TNRC6B: variants seen among roughly 807,000 people sequenced by gnomAD.
The protein encoded by TNRC6B is trinucleotide repeat-containing gene 6B protein.
Under a neutral mutation model 203.6 loss-of-function variants are expected in TNRC6B, and 52 were observed. That is an observed-to-expected ratio of 0.26 (90% confidence interval 0.20 to 0.32). TNRC6B has a LOEUF of 0.32. Ranked by LOEUF, TNRC6B falls within the 10% of genes least tolerant of loss-of-function variation. The pLI, the probability that TNRC6B is intolerant of heterozygous loss-of-function variation, is 1.00. For synonymous variants in TNRC6B, 838 were observed against 845.7 expected (o/e 0.99, Z 0.16); for missense variants, 1,923 against 2,286.2 (o/e 0.84, Z 3.24).
chr22:40,140,146 C>T (rs188247160), intron 3 of TNRC6B, among the ~76,000 whole-genome samples: 57 of 151,712 alleles, frequency 3.8e-4, no homozygotes, highest in African/African-American at 1.4e-3. Context: ...GCTTTAAGTT[C>T]AAAAGAATCA....
At chr22:40,270,313 C>CTTTT (rs372710238) in intron 6 of TNRC6B, 33 bp downstream of exon 6, 27 of 1,218,508 alleles carry the variant, frequency 2.2e-5, no homozygotes, top group Non-Finnish European at 2.6e-5. Flanking sequence ...TTGAGGGATC[C>CTTTT]TTTTTTTTTT....
chr22:40,257,053 T>C (rs1397754766), intron 3 of TNRC6B, among the ~76,000 whole-genome samples: 1 of 152,216 alleles, frequency 6.6e-6, no homozygotes, highest in Non-Finnish European at 1.5e-5. Flanking sequence ...TCAGTACACA[T>C]TGACCGCTCA....
intron 3 of TNRC6B, among the ~76,000 whole-genome samples, chr22:40,145,888 GCA>G (rs2068691199): frequency 2.0e-5 from 3 of 152,078 alleles, no homozygotes; most frequent in African/African-American, 7.2e-5. Flanking sequence ...TCTGTATGGA[GCA>G]CAGAGTTTGA....
At chr22:40,077,133 C>T (rs1383169607) in intron 1 of TNRC6B, among the ~76,000 whole-genome samples, 1 of 151,712 alleles carries the variant, frequency 6.6e-6, no homozygotes, top group Non-Finnish European at 1.5e-5. Context: ...AGGCGGGGCA[C>T]TTCTTCCTAT....
At chr22:40,188,737 T>C (rs1469823933) in intron 1 of TNRC6B, among the ~76,000 whole-genome samples, 1 of 152,236 alleles carries the variant, frequency 6.6e-6, no homozygotes, top group Non-Finnish European at 1.5e-5. Context: ...CAGTGGCTTT[T>C]AAACTTTTTG....
chr22:40,312,848 T>G, intron 18 of TNRC6B, 54 bp from the exon 19 acceptor site: 1 of 1,540,868 alleles, frequency 6.5e-7, no homozygotes, highest in Non-Finnish European at 8.9e-7. Flanking sequence ...AAGGTTTCAC[T>G]GGTTATACTG....
chr22:40,077,069 AAG>A (rs1192645795), intron 1 of TNRC6B, among the ~76,000 whole-genome samples: 5 of 149,194 alleles, frequency 3.4e-5, no homozygotes, highest in Admixed American at 2.7e-4. Flanking sequence ...AAGAAAAGAA[AAG>A]AGAGAAGAGG....
At chr22:40,063,607 C>A (rs6001738) in intron 1 of TNRC6B, among the ~76,000 whole-genome samples, 10,571 of 152,158 alleles carry the variant, frequency 0.069, 1,149 homozygotes, top group African/African-American at 0.23. Flanking sequence ...TGGTTTTCAG[C>A]GTATAAGTGT....
chr22:40,206,421 T>C (rs1281328364), intron 1 of TNRC6B, among the ~76,000 whole-genome samples: 1 of 152,174 alleles, frequency 6.6e-6, no homozygotes, highest in Non-Finnish European at 1.5e-5. Context: ...TGTAAAATTA[T>C]ATCAGAAGAC....
chr22:40,132,015 T>C (rs1053622316), intron 3 of TNRC6B, among the ~76,000 whole-genome samples: 4 of 152,376 alleles, frequency 2.6e-5, no homozygotes, highest in Admixed American at 6.5e-5. Context: ...CCCATGGATC[T>C]GTCTTATTGT....
At chr22:40,199,173 A>C (rs148903615) in intron 1 of TNRC6B, among the ~76,000 whole-genome samples, 5 of 152,278 alleles carry the variant, frequency 3.3e-5, no homozygotes, top group African/African-American at 9.6e-5. Flanking sequence ...GCTGAGTAAA[A>C]AAGAAAACTA....
chr22:40,155,245 C>T (rs2068809305), intron 3 of TNRC6B, among the ~76,000 whole-genome samples: 1 of 151,974 alleles, frequency 6.6e-6, no homozygotes, highest in African/African-American at 2.4e-5. Context: ...CTAATGTGTA[C>T]AGTAAATGCA....
At chr22:40,199,672 G>A (rs2069384488) in intron 1 of TNRC6B, among the ~76,000 whole-genome samples, 1 of 152,132 alleles carries the variant, frequency 6.6e-6, no homozygotes, top group African/African-American at 2.4e-5. Context: ...AAAGGCTATT[G>A]CTGGGACAGG....
intron 9 of TNRC6B, among the ~76,000 whole-genome samples, chr22:40,278,811 C>T (rs117863233): frequency 0.015 from 2,327 of 152,354 alleles, 25 homozygotes; most frequent in Non-Finnish European, 0.025. Flanking sequence ...TTGATCTCTG[C>T]TCACTGCAAC....
At chr22:40,151,842 TGAA>T (rs1368226601) in intron 3 of TNRC6B, among the ~76,000 whole-genome samples, 2 of 132,312 alleles carry the variant, frequency 1.5e-5, no homozygotes, top group Non-Finnish European at 3.3e-5. Flanking sequence ...GACACAAAAA[TGAA>T]GAAAGAGAAA....
intron 12 of TNRC6B, 102 bp downstream of exon 12, chr22:40,285,872 A>G: frequency 7.1e-7 from 1 of 1,417,110 alleles, no homozygotes; most frequent in Non-Finnish European, 9.5e-7. Flanking sequence ...GATAGTAAGT[A>G]GCATAAAATA....
At chr22:40,226,689 T>C (rs904621772) in intron 1 of TNRC6B, among the ~76,000 whole-genome samples, 8 of 152,232 alleles carry the variant, frequency 5.3e-5, no homozygotes, top group African/African-American at 1.9e-4. Context: ...TATCATTGTT[T>C]GAATTCACTT....
At chr22:40,278,507 G>A (rs1028297169) in intron 9 of TNRC6B, among the ~76,000 whole-genome samples, 1 of 148,446 alleles carries the variant, frequency 6.7e-6, no homozygotes, top group South Asian at 2.2e-4. Context: ...GCACTGAGCC[G>A]AGATTGTGCC....
At chr22:40,285,946 A>G (rs1456454960) in intron 12 of TNRC6B, among the ~76,000 whole-genome samples, 176 bp downstream of exon 12, 2 of 152,250 alleles carry the variant, frequency 1.3e-5, no homozygotes, top group African/African-American at 4.8e-5. Flanking sequence ...TGAAATATCT[A>G]GCTGCCAAAG....
Sources: allele counts gnomAD v4.1 joint callset (sites outside exome capture counted in the v4.1 genomes callset), GRCh38; gene constraint gnomAD v4.1.1; transcripts MANE v1.5; gene names NCBI Gene and HGNC (gene_info 2026-07-23, HGNC 2026-07-21).